USP4: variants seen among roughly 807,000 people sequenced by gnomAD.
USP4 encodes ubiquitin specific peptidase 4.
Under a neutral mutation model 118.2 loss-of-function variants are expected in USP4, and 72 were observed. That is an observed-to-expected ratio of 0.61 (90% confidence interval 0.50 to 0.74). The LOEUF is 0.74. Ranked by LOEUF, USP4 falls within the 30% of genes least tolerant of loss-of-function variation. The probability of loss-of-function intolerance (pLI) is 0.00; values close to 1 mark genes in which losing one functional copy is unlikely to be tolerated. For missense variants in USP4, 1,037 were observed against 1,185.7 expected, an observed-to-expected ratio of 0.87 and a Z score of 1.84; for synonymous variants, 415 against 440.4, an observed-to-expected ratio of 0.94 and a Z score of 0.72.
chr3:49,307,178 T>C (rs1559472276), intron 8 of USP4, among the ~76,000 whole-genome samples: 1 of 152,168 alleles, frequency 6.6e-6, no homozygotes, highest in Non-Finnish European at 1.5e-5. Flanking sequence ...CCAGGTGTGG[T>C]AGTTCATACC....
At position 49,320,298 on chromosome 3, in the gene USP4, C is replaced by T. The variant is rs568389747; in HGVS notation, c.695+4404G>A. Among the ~76,000 whole-genome samples the T allele has an allele frequency of 7.9e-5, 12 of 151,802 alleles. No homozygotes were observed. The East Asian group carries it at 2.2e-3, about 27-fold the overall frequency. On this transcript the variant is annotated intron_variant, in intron 6 of 21. Coordinates refer to ENST00000265560, the MANE Select transcript of USP4 (RefSeq NM_003363.4). ...TCTCTACTAAAAATACAAAATTAGC[C>T]GGGCGTGGTGGCGCATGCCTGTAAT...
Position 49,311,657 on chromosome 3 carries a change from G to A in USP4, c.696-3C>T. The A allele has an allele frequency of 6.2e-7, 1 of 1,613,316 alleles. No individual in the cohort carries two copies. Among genetic ancestry groups the A allele is most frequent in the South Asian group, 1.1e-5 (1 of 90,950 alleles). ...TTCTGCTAGGCGCAGTGCTTGATCTGGGAGAGAGAAGCAGAAACAATGCTA... is the reference window on the plus strand; with the variant it reads ...TTCTGCTAGGCGCAGTGCTTGATCTAGGAGAGAGAAGCAGAAACAATGCTA... On this transcript the variant is annotated splice_polypyrimidine_tract_variant and splice_region_variant and intron_variant, in intron 6 of 21. Transcript: ENST00000265560.
intron 2 of USP4, among the ~76,000 whole-genome samples, chr3:49,333,326 A>T (rs1175334176): frequency 6.6e-6 from 1 of 151,668 alleles, no homozygotes; most frequent in African/African-American, 2.4e-5. Flanking sequence ...TGAGCCAGGA[A>T]TGCTGGCAAG....
At chr3:49,330,022 C>T (rs1034436444) in intron 2 of USP4, among the ~76,000 whole-genome samples, 2 of 151,760 alleles carry the variant, frequency 1.3e-5, no homozygotes, top group Admixed American at 6.6e-5. Flanking sequence ...CACCTGTATC[C>T]CAGCTACTCA....
rs202051256 is a variant in USP4, at chr3:49,292,587, T to C, written c.1895A>G (p.Lys632Arg). Residue 632 changes from lysine (K) to arginine (R), a missense_variant, in exon 15 of 22, where the codon AAA becomes AGA. Transcript: ENST00000265560. ...AVCDRISRYVKQPLPDEFGSS... is the reference protein window; with the variant it reads ...AVCDRISRYVRQPLPDEFGSS... Reference sequence around the variant, plus strand: ...GCCAAACTCATCAGGTAAAGGCTGTTTCACATAGCGGCTTCAAAAAGAGAA... The same window carrying C: ...GCCAAACTCATCAGGTAAAGGCTGTCTCACATAGCGGCTTCAAAAAGAGAA... 6.3e-7 allele frequency: 1 copy of C among 1,590,218 alleles called. No homozygotes were observed. The highest frequency in any genetic ancestry group is 2.3e-5 in the East Asian group (1 of 44,028).
chr3:49,329,052 C>T (rs1020721285), intron 2 of USP4, among the ~76,000 whole-genome samples: 1 of 151,760 alleles, frequency 6.6e-6, no homozygotes, highest in African/African-American at 2.4e-5. Flanking sequence ...GTGGTGCACA[C>T]CTGTAGCCCA....
intron 20 of USP4, among the ~76,000 whole-genome samples, 189 bp downstream of exon 20, chr3:49,280,555 G>T (rs149908616): frequency 0.02 from 2,643 of 132,198 alleles, 37 homozygotes; most frequent in Non-Finnish European, 0.033. Flanking sequence ...ACGAGACTCC[G>T]TCTCAAAAAA....
Position 49,324,700 on chromosome 3 carries a change from AC to A in USP4, c.695+1del, listed in dbSNP as rs1456997501. ...ACAACAAGGGAGAAAAAATTCACTT[AC>A]TTTGACTGCAAGGTCTGCCTGGGCC... On this transcript the variant is annotated splice_donor_variant, in intron 6 of 21. Transcript: ENST00000265560. LOFTEE classifies it high-confidence loss of function. The A allele has an allele frequency of 6.2e-7, 1 of 1,613,926 alleles. No homozygotes were observed. The highest frequency in any genetic ancestry group is 8.5e-7 in the Non-Finnish European group (1 of 1,179,876).
At chr3:49,329,039 A>G (rs1055059393) in intron 2 of USP4, among the ~76,000 whole-genome samples, 1 of 151,372 alleles carries the variant, frequency 6.6e-6, no homozygotes, top group Non-Finnish European at 1.5e-5. Flanking sequence ...TTAGCTGGGC[A>G]TGGTGGTGCA....
chr3:49,312,430 T>C, intron 6 of USP4: 1 of 450,944 alleles, frequency 2.2e-6, no homozygotes, highest in South Asian at 1.6e-5. Flanking sequence ...AAGCCGAGAC[T>C]GCACCACCGC....
intron 8 of USP4, among the ~76,000 whole-genome samples, chr3:49,309,937 T>A (rs1191811729): frequency 2.7e-5 from 3 of 110,886 alleles, no homozygotes; most frequent in Non-Finnish European, 5.4e-5. Context: ...CGGACTTTTT[T>A]TTAATCTTTT....
chr3:49,288,129 C>T (rs1034092402), intron 15 of USP4, among the ~76,000 whole-genome samples: 1 of 152,208 alleles, frequency 6.6e-6, no homozygotes, highest in Non-Finnish European at 1.5e-5. Flanking sequence ...TCCGAACTTG[C>T]TTAATTCCTG....
chr3:49,288,136 C>G (rs2047118909), intron 15 of USP4, among the ~76,000 whole-genome samples: 1 of 152,174 alleles, frequency 6.6e-6, no homozygotes, highest in African/African-American at 2.4e-5. Flanking sequence ...TTGCTTAATT[C>G]CTGAGATATG....
At position 49,277,211 on chromosome 3, in the gene USP4, C is replaced by G. The variant is rs2046972362; in HGVS notation, c.*1082G>C. On this transcript the variant is annotated 3_prime_UTR_variant, in exon 22 of 22. Transcript: ENST00000265560. ...CCGCAGCGCAGTGACGCCGACCCAT[C>G]CAACGGTCATCGCATGCGCGTGCCC... The G allele has an allele frequency of 7.5e-7, 1 of 1,337,024 alleles. No homozygotes were observed. The allele number at this position is 1,337,024 out of a possible 1,614,324, so 82.8% of individuals were successfully genotyped here.
intron 1 of USP4, among the ~76,000 whole-genome samples, chr3:49,338,044 C>CAAAAAAA (rs57186354): frequency 3.8e-5 from 2 of 52,026 alleles, no homozygotes; most frequent in Non-Finnish European, 6.5e-5. Context: ...GACTTCGTCT[C>CAAAAAAA]AAAAAAAAAA....
chr3:49,277,936 C>G lies in USP4; in HGVS notation c.*357G>C, dbSNP rs1365010939. The stretch of plus-strand genomic sequence containing the variant: ...AGAAATCCAGGCGCTCAGGGCAGCC[C>G]TGCAGGTGGGGTGGGTCTCCAGGCT... On this transcript the variant is annotated 3_prime_UTR_variant, in exon 22 of 22. Coordinates refer to ENST00000265560, the MANE Select transcript of USP4 (RefSeq NM_003363.4). 22 of 407,664 alleles carry G rather than the reference C, an allele frequency of 5.4e-5. No homozygotes were observed. In the South Asian group the frequency reaches 2.2e-3, roughly 41 times the overall value. 25.3% of individuals were successfully genotyped at this position (407,664 alleles called of 1,614,324 possible).
In USP4 at chr3:49,328,251, G is replaced by A. The variant is rs535686440; in HGVS notation, c.230-435C>T. ...CGGGCACCTGTAGTCCCAGCTACTC[G>A]GGAGGCTGAGGCAGGAGAATTGCTT... is the stretch of plus-strand genomic sequence containing the variant. On this transcript the variant is annotated intron_variant, in intron 2 of 21. Coordinates refer to ENST00000265560, the MANE Select transcript of USP4 (RefSeq NM_003363.4). Among the ~76,000 whole-genome samples the A allele has an allele frequency of 5.9e-5, 9 of 152,074 alleles. No homozygotes were observed. In the South Asian group the frequency reaches 1.5e-3, roughly 25 times the overall value.
chr3:49,315,267 G>A (rs544300506), intron 6 of USP4, among the ~76,000 whole-genome samples: 19 of 152,232 alleles, frequency 1.2e-4, no homozygotes. Flanking sequence ...AGGATCCCTT[G>A]ATCCCAGGAG....
At chr3:49,303,501 T>C (rs1257793154) in intron 9 of USP4, among the ~76,000 whole-genome samples, 2 of 139,078 alleles carry the variant, frequency 1.4e-5, no homozygotes, top group African/African-American at 5.4e-5. Context: ...TCTAATACCA[T>C]AGCCACTAGC....
Sources: allele counts gnomAD v4.1 joint callset (sites outside exome capture counted in the v4.1 genomes callset), GRCh38; gene constraint gnomAD v4.1.1; transcripts MANE v1.5; gene names NCBI Gene and HGNC (gene_info 2026-07-23, HGNC 2026-07-21).